Variants in GMDS observed in about 807,000 individuals in gnomAD.
The protein encoded by GMDS is GDP-mannose 4,6 dehydratase.
In GMDS, 20 loss-of-function variants were observed where a neutral mutation model predicts 49.9. That is an observed-to-expected ratio of 0.40 (90% CI 0.28 to 0.58). The LOEUF (loss-of-function observed/expected upper bound fraction) is 0.58. Ranked by LOEUF, GMDS falls within the 20% of genes least tolerant of loss-of-function variation. GMDS has a pLI of 0.42. For synonymous variants in GMDS, 177 were observed against 178.6 expected (o/e 0.99, Z 0.07); for missense variants, 362 against 481.4 (o/e 0.75, Z 2.32).
intron 4 of GMDS, among the ~76,000 whole-genome samples, chr6:1,969,976 G>A (rs1230796859): frequency 1.3e-5 from 2 of 152,180 alleles, no homozygotes; most frequent in Non-Finnish European, 2.9e-5. Context: ...ACAACATTCA[G>A]TCTGAAGTTT....
chr6:1,875,721 CAT>C (rs1387488315), intron 7 of GMDS, among the ~76,000 whole-genome samples: 2 of 152,214 alleles, frequency 1.3e-5, no homozygotes, highest in African/African-American at 4.8e-5. Context: ...TTGTTAATCA[CAT>C]GTTTAAAAAT....
At chr6:1,703,029 C>T (rs755457068) in intron 9 of GMDS, among the ~76,000 whole-genome samples, 13 of 152,194 alleles carry the variant, frequency 8.5e-5, no homozygotes, top group Admixed American at 5.9e-4. Flanking sequence ...ACAAAACACA[C>T]GCCCTGAGCT....
At chr6:2,064,092 T>G (rs988467310) in intron 4 of GMDS, among the ~76,000 whole-genome samples, 3 of 152,096 alleles carry the variant, frequency 2.0e-5, no homozygotes, top group Non-Finnish European at 4.4e-5. Flanking sequence ...TCTCACACAT[T>G]TAAAACACCA....
chr6:2,044,396 A>G (rs796234411), intron 4 of GMDS, among the ~76,000 whole-genome samples: 1 of 152,186 alleles, frequency 6.6e-6, no homozygotes, highest in East Asian at 1.9e-4. Context: ...AAAGAACAAG[A>G]TCATATTCTT....
intron 7 of GMDS, among the ~76,000 whole-genome samples, chr6:1,922,602 AC>A (rs1267936575): frequency 6.6e-6 from 1 of 152,090 alleles, no homozygotes; most frequent in Non-Finnish European, 1.5e-5. Flanking sequence ...TTTCAAAACT[AC>A]CGATAGCCCG....
At chr6:2,148,622 G>A (rs1460246401) in intron 1 of GMDS, among the ~76,000 whole-genome samples, 1 of 152,032 alleles carries the variant, frequency 6.6e-6, no homozygotes, top group African/African-American at 2.4e-5. Context: ...GTTTCACCAT[G>A]TTGGCCAGGC....
chr6:1,898,073 TGGCCTCCC>T (rs1760303744), intron 7 of GMDS, among the ~76,000 whole-genome samples: 1 of 123,882 alleles, frequency 8.1e-6, no homozygotes, highest in African/African-American at 3.0e-5. Flanking sequence ...ACACCTACCC[TGGCCTCCC>T]TTGCCATCCT....
At chr6:1,888,480 C>A (rs1255165799) in intron 7 of GMDS, among the ~76,000 whole-genome samples, 1 of 152,058 alleles carries the variant, frequency 6.6e-6, no homozygotes, top group Non-Finnish European at 1.5e-5. Flanking sequence ...GGGAAACGAC[C>A]CCCATCATCC....
intron 9 of GMDS, among the ~76,000 whole-genome samples, chr6:1,712,568 C>G (rs145098118): frequency 6.6e-6 from 1 of 152,176 alleles, no homozygotes; most frequent in Non-Finnish European, 1.5e-5. Context: ...AAATGTCACT[C>G]ACATGGAGAG....
At chr6:1,859,111 T>C (rs1466440352) in intron 7 of GMDS, among the ~76,000 whole-genome samples, 1 of 152,192 alleles carries the variant, frequency 6.6e-6, no homozygotes, top group Admixed American at 6.5e-5. Flanking sequence ...GCCCTGGCAG[T>C]AGCTGATTGA....
At chr6:2,047,293 C>G (rs1770078489) in intron 4 of GMDS, among the ~76,000 whole-genome samples, 1 of 152,112 alleles carries the variant, frequency 6.6e-6, no homozygotes, top group African/African-American at 2.4e-5. Flanking sequence ...ACAACTCTGG[C>G]AATATCCTTG....
At chr6:1,722,252 G>T (rs200084223) in intron 9 of GMDS, among the ~76,000 whole-genome samples, 120,967 of 145,004 alleles carry the variant, frequency 0.83, 51,013 homozygotes, top group East Asian at 1. Flanking sequence ...ATTAGTAGTA[G>T]TAGTAGTAGT....
intron 7 of GMDS, among the ~76,000 whole-genome samples, chr6:1,927,648 G>A (rs1163426939): frequency 6.6e-6 from 1 of 152,238 alleles, no homozygotes; most frequent in Non-Finnish European, 1.5e-5. Flanking sequence ...TGGCATTTGG[G>A]AAGTGTTGTG....
intron 7 of GMDS, among the ~76,000 whole-genome samples, chr6:1,840,836 A>G (rs1757123286): frequency 6.6e-6 from 1 of 152,236 alleles, no homozygotes; most frequent in African/African-American, 2.4e-5. Context: ...TAATCTCAAC[A>G]AACAGCGTTC....
chr6:2,121,217 G>A (rs755514576), intron 2 of GMDS, among the ~76,000 whole-genome samples: 10 of 152,136 alleles, frequency 6.6e-5, no homozygotes, highest in Non-Finnish European at 1.2e-4. Context: ...GCTCTGTACT[G>A]GTCAACAGGG....
At chr6:2,112,417 C>T (rs1774598373) in intron 4 of GMDS, among the ~76,000 whole-genome samples, 1 of 152,024 alleles carries the variant, frequency 6.6e-6, no homozygotes, top group African/African-American at 2.4e-5. Context: ...AACCAAGAAA[C>T]CTGAAACACT....
chr6:2,203,363 G>A lies in GMDS; in HGVS notation c.102+41958C>T, dbSNP rs1030077380. On this transcript the variant is annotated intron_variant, in intron 1 of 10. Coordinates refer to ENST00000380815, the MANE Select transcript of GMDS (RefSeq NM_001500.4). The stretch of plus-strand genomic sequence containing the variant: ...TAAAAATAATACGGCCTTCCCTGTC[G>A]GGCTTTGCTGCCAGCTGTTATTTAA... Among the ~76,000 whole-genome samples the A allele has an allele frequency of 1.8e-4, 28 of 152,272 alleles. 1 individual carries two copies. The highest frequency in any genetic ancestry group is 1.5e-3 in the East Asian group (8 of 5,182).
chr6:1,732,634 C>G (rs547611800), intron 8 of GMDS, among the ~76,000 whole-genome samples: 4 of 152,140 alleles, frequency 2.6e-5, no homozygotes, highest in Non-Finnish European at 5.9e-5. Flanking sequence ...TTTCCAGAAA[C>G]AAATAATTAT....
chr6:1,866,443 G>C (rs1225404531), intron 7 of GMDS, among the ~76,000 whole-genome samples: 2 of 152,198 alleles, frequency 1.3e-5, no homozygotes, highest in South Asian at 2.1e-4. Flanking sequence ...GCCATACAGA[G>C]AGCAGGTAGT....
Sources: gnomAD v4.1 joint callset for allele counts (sites outside exome capture counted in the v4.1 genomes callset) on GRCh38, gnomAD v4.1.1 for gene constraint, MANE v1.5 for transcripts, NCBI Gene and HGNC (gene_info 2026-07-23, HGNC 2026-07-21) for gene names.